MOB3A: variants seen among roughly 807,000 people sequenced by gnomAD.
The protein encoded by MOB3A is MOB kinase activator 3A.
Under a neutral mutation model 17.8 loss-of-function variants are expected in MOB3A, and 17 were observed. The ratio of observed to expected loss-of-function variants is 0.95; its 90% CI spans 0.65 to 1.43. MOB3A has a LOEUF of 1.43. MOB3A is among the 40% of genes most tolerant of loss of function. The pLI, the probability that MOB3A is intolerant of heterozygous loss-of-function variation, is 0.00. For missense variants in MOB3A, 333 were observed against 310.8 expected (o/e 1.07, Z -0.54); for synonymous variants, 124 against 133.2 (o/e 0.93, Z 0.48).
In MOB3A at chr19:2,093,176, G is replaced by A. The variant is rs978894720; in HGVS notation, c.-274+3050C>T. ...TTGGAAGGGAATTTTTTTTTTTTTC[G>A]AGACGTTGTCTTACTCTGTTGCCCA... On this transcript the variant is annotated intron_variant, in intron 1 of 4. Transcript: ENST00000357066. This position sits in a 1 kb window ranked among gnomAD's most constrained non-coding sequence, Gnocchi z 4.6. Among the ~76,000 whole-genome samples the A allele has an allele frequency of 2.0e-5, 3 of 149,668 alleles. No homozygotes were observed. Among genetic ancestry groups the A allele is most frequent in the East Asian group, 1.9e-4 (1 of 5,136 alleles).
chr19:2,075,814 G>A, intron 4 of MOB3A, among the ~76,000 whole-genome samples: 1 of 152,140 alleles, frequency 6.6e-6, no homozygotes, highest in Non-Finnish European at 1.5e-5. Context: ...GAGGTACCCG[G>A]CTGGCTACAG....
intron 1 of MOB3A, among the ~76,000 whole-genome samples, chr19:2,094,481 G>T (rs1383018478): frequency 2.0e-5 from 3 of 152,228 alleles, no homozygotes; most frequent in African/African-American, 4.8e-5. Flanking sequence ...GGTGGGTTTT[G>T]TCTCACGGGT....
intron 1 of MOB3A, among the ~76,000 whole-genome samples, chr19:2,089,206 G>A (rs1028903326): frequency 6.6e-6 from 1 of 152,168 alleles, no homozygotes; most frequent in Non-Finnish European, 1.5e-5. Flanking sequence ...CTGCTCTCGT[G>A]AAACTCATCA....
At position 2,082,808 on chromosome 19, in the gene MOB3A, G is replaced by A. The variant is rs571090997; in HGVS notation, c.-120+2367C>T. Among the ~76,000 whole-genome samples, 8 of 152,126 alleles carry A rather than the reference G, an allele frequency of 5.3e-5. No individual in the cohort carries two copies. In the East Asian group the frequency reaches 5.8e-4, roughly 11 times the overall value. Reference sequence around the variant, plus strand: ...CCAGGGTCACCACACAGGTCCCCCCGCTTGCTTCTCTTCCATTTTTAGAGA... The same window carrying A: ...CCAGGGTCACCACACAGGTCCCCCCACTTGCTTCTCTTCCATTTTTAGAGA... On this transcript the variant is annotated intron_variant, in intron 2 of 4. Transcript: ENST00000357066. The surrounding 1 kb of genome is among the most constrained non-coding windows in gnomAD (Gnocchi z 4.1).
rs572093068 is a variant in MOB3A at position 2,083,931 on chromosome 19, G to A, written c.-120+1244C>T. 5.8e-4 allele frequency among the ~76,000 whole-genome samples: 88 copies of A among 152,138 alleles called. 3 individuals are homozygous for A. The South Asian group carries it at 0.016, about 28-fold the overall frequency. ...AAAGCGGCTGTTCCCACAGGCCCCCGCTTGTCTTTTTAAAACTTTTTGTAG... is the reference window on the plus strand; with the variant it reads ...AAAGCGGCTGTTCCCACAGGCCCCCACTTGTCTTTTTAAAACTTTTTGTAG... On this transcript the variant is annotated intron_variant, in intron 2 of 4. Coordinates refer to ENST00000357066, the MANE Select transcript of MOB3A (RefSeq NM_130807.3).
At chr19:2,083,310 G>A (rs542065806) in intron 2 of MOB3A, among the ~76,000 whole-genome samples, 2 of 152,186 alleles carry the variant, frequency 1.3e-5, no homozygotes, top group East Asian at 1.9e-4. Flanking sequence ...GGAGCTGTTG[G>A]GGGGGACCTG....
chr19:2,088,630 C>A (rs1190477652), intron 1 of MOB3A, among the ~76,000 whole-genome samples: 1 of 152,112 alleles, frequency 6.6e-6, no homozygotes, highest in East Asian at 1.9e-4. Flanking sequence ...CCACACCCAG[C>A]TAATTTTTTT....
At chr19:2,075,458 A>T (rs143177862) in intron 4 of MOB3A, among the ~76,000 whole-genome samples, 1 of 150,366 alleles carries the variant, frequency 6.7e-6, no homozygotes, top group Non-Finnish European at 1.5e-5. Flanking sequence ...TCATAGTGAG[A>T]CCCCATCTCT....
intron 2 of MOB3A, among the ~76,000 whole-genome samples, chr19:2,081,337 C>A (rs557119811): frequency 6.6e-6 from 1 of 152,284 alleles, no homozygotes; most frequent in East Asian, 1.9e-4. Context: ...CCTGTAATCC[C>A]GGCACTTTGG....
At chr19:2,074,595 C>G (rs12460442) in intron 4 of MOB3A, among the ~76,000 whole-genome samples, 31,223 of 150,790 alleles carry the variant, frequency 0.21, 3,464 homozygotes, top group South Asian at 0.28. Flanking sequence ...CTCTGTCATT[C>G]AGGCTGGAGA....
intron 1 of MOB3A, among the ~76,000 whole-genome samples, chr19:2,094,941 C>A (rs2017656040): frequency 6.6e-6 from 1 of 152,204 alleles, no homozygotes; most frequent in Non-Finnish European, 1.5e-5. Flanking sequence ...GAGGCCGAGG[C>A]GGGCGGATCA....
intron 3 of MOB3A, among the ~76,000 whole-genome samples, 198 bp downstream of exon 3, chr19:2,077,942 C>A (rs2017433348): frequency 6.6e-6 from 1 of 152,032 alleles, no homozygotes; most frequent in African/African-American, 2.4e-5. Flanking sequence ...TGCCACCATG[C>A]CTGGCTAATT....
intron 1 of MOB3A, among the ~76,000 whole-genome samples, chr19:2,092,001 GA>G (rs1244011145): frequency 1.1e-4 from 8 of 75,584 alleles, no homozygotes; most frequent in Admixed American, 1.0e-3. Flanking sequence ...GTCTGTAACA[GA>G]AAAAAAAAAG....
chr19:2,093,652 C>T lies in MOB3A; in HGVS notation c.-274+2574G>A, dbSNP rs1256945608. Among the ~76,000 whole-genome samples, 1 of 152,168 alleles carries T rather than the reference C, an allele frequency of 6.6e-6. No individual in the cohort carries two copies. Among genetic ancestry groups the T allele is most frequent in the Non-Finnish European group, 1.5e-5 (1 of 68,028 alleles). On this transcript the variant is annotated intron_variant, in intron 1 of 4. Transcript: ENST00000357066. The surrounding 1 kb of genome is among the most constrained non-coding windows in gnomAD (Gnocchi z 4.6). ...ATGAGCCACCCGCACCTGGCCAGCACATCCCAATTCGGACCAGCCACATTG... is the reference window on the plus strand; with the variant it reads ...ATGAGCCACCCGCACCTGGCCAGCATATCCCAATTCGGACCAGCCACATTG...
At chr19:2,094,041 CTTTTTTTTTTTTT>C (rs1012593196) in intron 1 of MOB3A, among the ~76,000 whole-genome samples, 1 of 113,212 alleles carries the variant, frequency 8.8e-6, no homozygotes, top group Admixed American at 9.6e-5. Context: ...TATGTAAGTT[CTTTTTTTTTTTTT>C]TTTTTTTTTT....
At chr19:2,094,030 C>T (rs1336789215) in intron 1 of MOB3A, among the ~76,000 whole-genome samples, 1 of 150,694 alleles carries the variant, frequency 6.6e-6, no homozygotes, top group Non-Finnish European at 1.5e-5. Flanking sequence ...CCTTCCTTCC[C>T]TATGTAAGTT....
chr19:2,086,739 C>T (rs1024762738), intron 1 of MOB3A, among the ~76,000 whole-genome samples: 1 of 152,138 alleles, frequency 6.6e-6, no homozygotes, highest in Non-Finnish European at 1.5e-5. Flanking sequence ...GCTGCGTCTT[C>T]CCTGATCACC....
At chr19:2,083,364 C>G (rs891534940) in intron 2 of MOB3A, among the ~76,000 whole-genome samples, 3 of 152,240 alleles carry the variant, frequency 2.0e-5, no homozygotes, top group Admixed American at 6.5e-5. Context: ...AGCCCTGCAC[C>G]TGCCCCAGTG....
At chr19:2,081,314 G>T (rs4807197) in intron 2 of MOB3A, among the ~76,000 whole-genome samples, 3 of 152,126 alleles carry the variant, frequency 2.0e-5, no homozygotes, top group Non-Finnish European at 4.4e-5. Context: ...GAGGCCGGGC[G>T]TGGTGGCTCA....
Sources: gnomAD v4.1 joint callset for allele counts (sites outside exome capture counted in the v4.1 genomes callset) on GRCh38, gnomAD v4.1.1 for gene constraint, Gnocchi (gnomAD v3.1) non-coding constraint, MANE v1.5 for transcripts, NCBI Gene and HGNC (gene_info 2026-07-23, HGNC 2026-07-21) for gene names.